MIPEP: variants seen among roughly 807,000 people sequenced by gnomAD.
MIPEP encodes the protein mitochondrial intermediate peptidase.
MIPEP carries 79 observed loss-of-function variants against 90.3 expected under a neutral mutation model. The ratio of observed to expected loss-of-function variants is 0.87; its 90% CI spans 0.73 to 1.05. The LOEUF (loss-of-function observed/expected upper bound fraction) is 1.05, where lower values mean the gene tolerates loss of function less well. Ranked by LOEUF, MIPEP falls within the 50% of genes least tolerant of loss-of-function variation. The pLI, the probability that MIPEP is intolerant of heterozygous loss-of-function variation, is 0.00. For synonymous variants in MIPEP, 334 were observed against 315.8 expected (o/e 1.06, Z -0.61); for missense variants, 940 against 905.6 (o/e 1.04, Z -0.49).
rs183648194 is a variant in MIPEP, at chr13:23,884,669, G to C, written c.363+1664C>G. Reference sequence around the variant, plus strand: ...CAGGGAAAGCTTCTTCAGCTAACTAGGCTGTAGAAAGGGCCTACAGTCTAG... The same window carrying C: ...CAGGGAAAGCTTCTTCAGCTAACTACGCTGTAGAAAGGGCCTACAGTCTAG... On this transcript the variant is annotated intron_variant, in intron 2 of 18. Transcript: ENST00000382172. Among the ~76,000 whole-genome samples, 625 of 152,314 alleles carry C rather than the reference G, an allele frequency of 4.1e-3. 4 individuals carry two copies. Among genetic ancestry groups the C allele is most frequent in the African/African-American group, 0.015 (609 of 41,582 alleles).
intron 1 of MIPEP, among the ~76,000 whole-genome samples, chr13:23,887,494 G>C (rs1163824144): frequency 6.6e-6 from 1 of 152,096 alleles, no homozygotes; most frequent in Non-Finnish European, 1.5e-5. Context: ...ACTCGAACCC[G>C]CTCTGTACAT....
chr13:23,855,502 C>A (rs1459394872), intron 10 of MIPEP, among the ~76,000 whole-genome samples: 1 of 151,896 alleles, frequency 6.6e-6, no homozygotes, highest in African/African-American at 2.4e-5. Context: ...TGTGTCAAGC[C>A]ACACATTTAA....
intron 16 of MIPEP, among the ~76,000 whole-genome samples, chr13:23,784,180 G>A (rs1952811007): frequency 6.6e-6 from 1 of 152,096 alleles, no homozygotes; most frequent in South Asian, 2.1e-4. Context: ...GCATTGCCAA[G>A]ACAATCCTAA....
chr13:23,776,962 A>G (rs1952724736), intron 16 of MIPEP, among the ~76,000 whole-genome samples: 1 of 152,358 alleles, frequency 6.6e-6, no homozygotes, highest in East Asian at 1.9e-4. Context: ...GTATCTGTAC[A>G]ATAGATCATA....
At chr13:23,880,910 C>T (rs893807975) in intron 3 of MIPEP, among the ~76,000 whole-genome samples, 14 of 152,168 alleles carry the variant, frequency 9.2e-5, no homozygotes, top group Non-Finnish European at 1.6e-4. Context: ...CGTGTTACCC[C>T]CTTTTCCCTG....
intron 10 of MIPEP, among the ~76,000 whole-genome samples, chr13:23,853,158 A>G (rs1053345941): frequency 4.6e-5 from 7 of 152,202 alleles, no homozygotes; most frequent in South Asian, 2.1e-4. Context: ...AGAAAGAACC[A>G]TATCTTTCTA....
At chr13:23,735,913 C>A (rs4769284) in intron 18 of MIPEP, among the ~76,000 whole-genome samples, 110,913 of 151,412 alleles carry the variant, frequency 0.73, 41,940 homozygotes, top group Middle Eastern at 0.84. Flanking sequence ...AAAAAAAAAA[C>A]AAAAAAAACA....
chr13:23,789,611 GC>G (rs1160394404), intron 16 of MIPEP, among the ~76,000 whole-genome samples: 1 of 152,174 alleles, frequency 6.6e-6, no homozygotes, highest in Non-Finnish European at 1.5e-5. Context: ...GGTCATCCTG[GC>G]CTCTGCATTA....
At chr13:23,743,980 C>A (rs1952358375) in intron 18 of MIPEP, among the ~76,000 whole-genome samples, 2 of 152,314 alleles carry the variant, frequency 1.3e-5, no homozygotes, top group South Asian at 4.1e-4. Flanking sequence ...TTCTGGGCTG[C>A]CTCTATTATT....
At chr13:23,828,681 G>GCC (rs1262671897) in intron 14 of MIPEP, among the ~76,000 whole-genome samples, 1 of 152,150 alleles carries the variant, frequency 6.6e-6, no homozygotes, top group Non-Finnish European at 1.5e-5. Flanking sequence ...GAAATGGAGA[G>GCC]ATATGCCATA....
In MIPEP at chr13:23,870,110, TC is replaced by T. The variant is rs1217175714; in HGVS notation, c.688del (p.Glu230ArgfsTer21). 6.2e-7 allele frequency: 1 copy of T among 1,612,576 alleles called. No individual in the cohort carries two copies. The highest frequency in any genetic ancestry group is 1.3e-5 in the African/African-American group (1 of 74,856). Reference protein sequence around the residue: ...LMGTNFPNKIEKHLLPEHIRR... With the variant: ...LMGTNFPNKIXKHLLPEHIRR... ...AATGTGTTCTGGTAAGAGATGCTTC[TC>T]AATCTTGTTGGGAAAATTGGTTCCC... On this transcript the variant is annotated frameshift_variant, in exon 6 of 19. Transcript: ENST00000382172. LOFTEE classifies it high-confidence loss of function.
intron 16 of MIPEP, among the ~76,000 whole-genome samples, chr13:23,801,314 T>A (rs1953037499): frequency 6.6e-6 from 1 of 152,222 alleles, no homozygotes. Context: ...GCACTGATTA[T>A]GCCTTCTGCA....
At chr13:23,866,476 C>T (rs183884140) in intron 7 of MIPEP, among the ~76,000 whole-genome samples, 179 of 152,256 alleles carry the variant, frequency 1.2e-3, no homozygotes, top group Admixed American at 4.6e-4. Context: ...GTGAGCTCCA[C>T]GCTGCTACAG....
At chr13:23,847,738 A>G (rs1869613915) in intron 10 of MIPEP, among the ~76,000 whole-genome samples, 1 of 152,204 alleles carries the variant, frequency 6.6e-6, no homozygotes, top group African/African-American at 2.4e-5. Context: ...AAGATAAGAG[A>G]TATCTTAGCA....
intron 16 of MIPEP, among the ~76,000 whole-genome samples, chr13:23,777,926 A>G (rs1952736005): frequency 6.6e-6 from 1 of 152,204 alleles, no homozygotes; most frequent in Non-Finnish European, 1.5e-5. Context: ...TTCTTAGAGG[A>G]CATACTAAGT....
chr13:23,855,877 C>T (rs1269255917), intron 10 of MIPEP, among the ~76,000 whole-genome samples: 1 of 152,152 alleles, frequency 6.6e-6, no homozygotes, highest in Admixed American at 6.5e-5. Context: ...CCCAGCATAC[C>T]TGGTGATTTC....
chr13:23,858,867 C>T lies in MIPEP; in HGVS notation c.1099G>A (p.Ala367Thr), dbSNP rs1253370172. ...DPPYYSGVIR[A>T]ERYNIEPSLY... is the part of the protein sequence containing the mutation. The stretch of plus-strand genomic sequence containing the variant: ...ATTTCTTGAAAAACTTACCTTTCTG[C>T]ACGAATCACACCACTGTAGTAAGGG... Residue 367 changes from alanine (A) to threonine (T), a missense_variant, in exon 10 of 19, where the codon GCA becomes ACA. Coordinates refer to ENST00000382172, the MANE Select transcript of MIPEP (RefSeq NM_005932.4). The T allele has an allele frequency of 1.1e-5, 18 of 1,613,378 alleles. No homozygotes were observed. Among genetic ancestry groups the T allele is most frequent in the Non-Finnish European group, 1.5e-5 (18 of 1,179,538 alleles).
At chr13:23,843,782 T>C (rs1869411202) in intron 10 of MIPEP, among the ~76,000 whole-genome samples, 2 of 152,192 alleles carry the variant, frequency 1.3e-5, no homozygotes, top group African/African-American at 2.4e-5. Context: ...GGGATGAATG[T>C]GTTTTTCCTT....
intron 16 of MIPEP, among the ~76,000 whole-genome samples, chr13:23,784,568 A>G (rs1952817063): frequency 1.3e-5 from 2 of 152,156 alleles, no homozygotes; most frequent in African/African-American, 2.4e-5. Flanking sequence ...CATTCAGGAC[A>G]TAGGCATGGG....
Sources: allele counts gnomAD v4.1 joint callset (sites outside exome capture counted in the v4.1 genomes callset), GRCh38; gene constraint gnomAD v4.1.1; transcripts MANE v1.5; gene names NCBI Gene and HGNC (gene_info 2026-07-23, HGNC 2026-07-21).